The following ABLIM1 variants were observed in gnomAD, a reference collection of about 807,000 sequenced individuals.
The protein encoded by ABLIM1 is actin binding LIM protein 1, also known as actin-binding LIM protein 1.
Under a neutral mutation model 107.0 loss-of-function variants are expected in ABLIM1, and 40 were observed. That is an observed-to-expected ratio of 0.37 (90% CI 0.29 to 0.49). The LOEUF (loss-of-function observed/expected upper bound fraction) is 0.49, where lower values mean the gene tolerates loss of function less well. Among genes scored for constraint, ABLIM1 ranks in the 20% least tolerant of loss-of-function variants. The probability of loss-of-function intolerance (pLI) is 0.97; values close to 1 mark genes in which losing one functional copy is unlikely to be tolerated. For synonymous variants in ABLIM1, 357 were observed against 357.3 expected (o/e 1.00, Z 0.01); for missense variants, 857 against 1,008.5 (o/e 0.85, Z 2.04).
Position 114,432,527 on chromosome 10 carries a change from A to G in ABLIM1, c.*3733T>C, listed in dbSNP as rs1045158622. The G allele has an allele frequency of 6.6e-6, 1 of 152,250 alleles. No individual in the cohort carries two copies. The highest frequency in any genetic ancestry group is 6.5e-5 in the Admixed American group (1 of 15,284). 9.4% of individuals were successfully genotyped at this position (152,250 alleles called of 1,614,324 possible). A position where few individuals can be genotyped will look rare whatever the true frequency, so the allele number is the denominator to read the frequency against. ...TTTTCAAACTTGCAAAAGCATATAC[A>G]TTTGATATCATCATCTGAGAAGCAA... On this transcript the variant is annotated 3_prime_UTR_variant, in exon 23 of 23. Coordinates refer to ENST00000533213, the MANE Select transcript of ABLIM1 (RefSeq NM_002313.7).
At chr10:114,676,217 G>A (rs2141472376) in intron 1 of ABLIM1, among the ~76,000 whole-genome samples, 1 of 152,306 alleles carries the variant, frequency 6.6e-6, no homozygotes, top group South Asian at 2.1e-4. Flanking sequence ...GATGGCTCAC[G>A]CCTCTAATCA....
At chr10:114,486,242 C>T in intron 8 of ABLIM1, among the ~76,000 whole-genome samples, 1 of 152,146 alleles carries the variant, frequency 6.6e-6, no homozygotes, top group East Asian at 1.9e-4. Flanking sequence ...CAAACTCAAG[C>T]AATCCTGATA....
At chr10:114,627,796 C>G (rs1437046515) in intron 1 of ABLIM1, among the ~76,000 whole-genome samples, 2 of 152,150 alleles carry the variant, frequency 1.3e-5, no homozygotes, top group East Asian at 1.9e-4. Context: ...CAAGGAGGAG[C>G]TGTGGTGGTC....
intron 1 of ABLIM1, among the ~76,000 whole-genome samples, chr10:114,667,417 T>C (rs1222365949): frequency 6.6e-6 from 1 of 152,240 alleles, no homozygotes; most frequent in East Asian, 1.9e-4. Flanking sequence ...TATTATTTTG[T>C]TTATTCCTAC....
In ABLIM1 at chr10:114,436,274, C is replaced by A. The variant is rs1435290549; in HGVS notation, c.2323G>T (p.Ala775Ser). The A allele has an allele frequency of 6.2e-7, 1 of 1,613,424 alleles. No homozygotes were observed. The highest frequency in any genetic ancestry group is 8.5e-7 in the Non-Finnish European group (1 of 1,179,666). The change falls in exon 23 of 23, where the codon GCA (alanine) becomes TCA (serine). Residue 775 changes from alanine to serine, a missense_variant. By Grantham distance (99) the Ala-to-Ser change is moderately conservative. Transcript: ENST00000533213. ...ACGAGTGGGACTTAGAAGAGTTTTG[C>A]TTTTTTCTTCATGTCGTTGCGTCTC... Reference protein sequence around the residue: ...LWRRNDMKKKAKLF With the variant: ...LWRRNDMKKKSKLF
In ABLIM1 at chr10:114,444,082, C is replaced by G. The variant is rs2060648772; in HGVS notation, c.1880G>C (p.Ser627Thr). 1.2e-6 allele frequency: 2 copies of G among 1,612,534 alleles called. No homozygotes were observed. Among genetic ancestry groups the G allele is most frequent in the Non-Finnish European group, 1.7e-6 (2 of 1,179,636 alleles). The change falls in exon 17 of 23, where the codon AGC becomes ACC. Residue 627 changes from serine (S) to threonine (T), a missense_variant. Around this residue, in one of 5 missense-constraint regions of ABLIM1, gnomAD observed 193 missense variants for 208.5 expected, o/e 0.93. Transcript: ENST00000533213. ...GGCTAACAGAGATGACCTTTCCCGG[C>G]TCTCTTTCTCCATCTCTTCTTTCAA... ...LILKEEMEKE[S>T]RERSSLLASR... is the part of the protein sequence containing the mutation.
At chr10:114,475,440 G>A (rs1419727850) in intron 8 of ABLIM1, among the ~76,000 whole-genome samples, 2 of 152,020 alleles carry the variant, frequency 1.3e-5, no homozygotes, top group Non-Finnish European at 2.9e-5. Context: ...CTTGCATCGT[G>A]TCTGTCTCCC....
At chr10:114,791,658 G>T in the ABLIM1 span, among the ~76,000 whole-genome samples, 16 of 150,766 alleles carry the variant, frequency 1.1e-4, 1 homozygote, top group South Asian at 3.4e-3. Context: ...ACAAAAACAA[G>T]AAAACAAAAC....
chr10:114,446,358 A>G (rs2061021026), intron 15 of ABLIM1, among the ~76,000 whole-genome samples: 1 of 152,254 alleles, frequency 6.6e-6, no homozygotes, highest in South Asian at 2.1e-4. Flanking sequence ...GCATTAATAC[A>G]GGTACAATTT....
At chr10:114,565,257 G>T (rs1396506416) in intron 4 of ABLIM1, among the ~76,000 whole-genome samples, 1 of 152,214 alleles carries the variant, frequency 6.6e-6, no homozygotes, top group African/African-American at 2.4e-5. Context: ...CAATCCATGT[G>T]CTACATGTGT....
chr10:114,484,874 G>A (rs193281077), intron 8 of ABLIM1, among the ~76,000 whole-genome samples: 61 of 152,308 alleles, frequency 4.0e-4, no homozygotes, highest in Non-Finnish European at 7.1e-4. Flanking sequence ...TTCCTCATCT[G>A]ACATTCCAAG....
intron 16 of ABLIM1, among the ~76,000 whole-genome samples, chr10:114,444,861 T>G (rs111451436): frequency 0.018 from 2,786 of 152,288 alleles, 38 homozygotes; most frequent in Non-Finnish European, 0.027. Context: ...TTTCATTCCT[T>G]TTCTCCTGGC....
At chr10:114,775,530 G>A in the ABLIM1 span, among the ~76,000 whole-genome samples, 3 of 152,224 alleles carry the variant, frequency 2.0e-5, no homozygotes, top group East Asian at 3.9e-4. Flanking sequence ...GATAGACCAG[G>A]AAGAGCACAT....
chr10:114,501,169 G>A (rs1367628769), intron 6 of ABLIM1, among the ~76,000 whole-genome samples: 1 of 152,180 alleles, frequency 6.6e-6, no homozygotes, highest in African/African-American at 2.4e-5. Context: ...TACCCCACCT[G>A]ACTCTCCCAG....
chr10:114,712,038 A>G lies in ABLIM1; in HGVS notation c.-213+56023T>C, dbSNP rs989415607. Among the ~76,000 whole-genome samples, 3 of 152,258 alleles carry G rather than the reference A, an allele frequency of 2.0e-5. No individual in the cohort carries two copies. The East Asian group carries it at 5.8e-4, about 29-fold the overall frequency. ...CCTGCCTGGGGGTCTCCAGGGTGAC[A>G]GGGAAAAGATTTTCATTACAAAGTA... On this transcript the variant is annotated intron_variant, in intron 1 of 15. Transcript: ENST00000651092.
At chr10:114,455,393 T>C (rs1372911094) in intron 12 of ABLIM1, among the ~76,000 whole-genome samples, 2 of 152,230 alleles carry the variant, frequency 1.3e-5, no homozygotes, top group Non-Finnish European at 2.9e-5. Context: ...TCCCAAACTA[T>C]TGATCTATTA....
At chr10:114,695,186 C>T (rs2081169643) in intron 1 of ABLIM1, among the ~76,000 whole-genome samples, 1 of 152,228 alleles carries the variant, frequency 6.6e-6, no homozygotes, top group Non-Finnish European at 1.5e-5. Context: ...ATCTGTTAAG[C>T]AGATGCCCCT....
chr10:114,791,132 GAGCGATCAT>G, the ABLIM1 span, among the ~76,000 whole-genome samples: 47 of 152,140 alleles, frequency 3.1e-4, no homozygotes, highest in Admixed American at 2.2e-3. Flanking sequence ...GAGTGTACTG[GAGCGATCAT>G]AGCGATCATA....
chr10:114,626,138 C>G (rs2077777553), intron 1 of ABLIM1, among the ~76,000 whole-genome samples: 1 of 152,094 alleles, frequency 6.6e-6, no homozygotes, highest in Non-Finnish European at 1.5e-5. Context: ...ATTCAGTGTT[C>G]TAAAAGGATT....
Sources: allele counts gnomAD v4.1 joint callset (sites outside exome capture counted in the v4.1 genomes callset), GRCh38; gene constraint gnomAD v4.1.1; regional missense constraint gnomAD v4.1.1; transcripts MANE v1.5; gene names NCBI Gene and HGNC (gene_info 2026-07-23, HGNC 2026-07-21).